HDAC2: variants seen among roughly 807,000 people sequenced by gnomAD.
HDAC2 encodes the protein histone deacetylase 2.
HDAC2 carries 5 observed loss-of-function variants against 68.5 expected under a neutral mutation model. The ratio of observed to expected loss-of-function variants is 0.07; its 90% CI spans 0.04 to 0.15. HDAC2 has a LOEUF of 0.15. HDAC2 is among the 10% of genes least tolerant of loss of function. The probability of loss-of-function intolerance (pLI) is 1.00; values close to 1 mark genes in which losing one functional copy is unlikely to be tolerated. For synonymous variants in HDAC2, 182 were observed against 191.3 expected (o/e 0.95, Z 0.40); for missense variants, 291 against 600.8 (o/e 0.48, Z 5.39).
intron 5 of HDAC2, among the ~76,000 whole-genome samples, chr6:113,955,202 T>C (rs2114606949): frequency 6.6e-6 from 1 of 152,258 alleles, no homozygotes; most frequent in East Asian, 1.9e-4. Flanking sequence ...TTTTGACATT[T>C]ATATACACTT....
intron 9 of HDAC2, 57 bp from the exon 10 acceptor site, chr6:113,945,527 C>T: frequency 1.2e-6 from 1 of 849,316 alleles, no homozygotes; most frequent in Non-Finnish European, 2.0e-6. Flanking sequence ...CACAAAAAAC[C>T]ATGCACAGAA....
chr6:113,967,830 T>C (rs1407578531), intron 1 of HDAC2, among the ~76,000 whole-genome samples: 1 of 152,222 alleles, frequency 6.6e-6, no homozygotes, highest in African/African-American at 2.4e-5. Context: ...AGATTCTTGA[T>C]GATCTTCTAG....
In HDAC2 at chr6:113,962,434, T is replaced by A. The variant is rs1352044967; in HGVS notation, c.53-2416A>T. 7.0e-6 allele frequency: 4 copies of A among 572,700 alleles called. No individual in the cohort carries two copies. The African/African-American group carries it at 8.1e-5, about 12-fold the overall frequency. 35.5% of individuals were successfully genotyped at this position (572,700 alleles called of 1,614,324 possible). A position where few individuals can be genotyped will look rare whatever the true frequency, so the allele number is the denominator to read the frequency against. On this transcript the variant is annotated intron_variant, in intron 1 of 13. Coordinates refer to ENST00000519065, the MANE Select transcript of HDAC2 (RefSeq NM_001527.4). ...TAATATGAAATATAAATATTTTAAA[T>A]AAAGGCTTAGGGTCTTGGTTAATTT...
At chr6:113,953,938 C>A (rs534889696) in intron 5 of HDAC2, among the ~76,000 whole-genome samples, 1 of 152,184 alleles carries the variant, frequency 6.6e-6, no homozygotes, top group East Asian at 1.9e-4. Context: ...ATTTCAGTGT[C>A]CATAAAAAAA....
intron 1 of HDAC2, among the ~76,000 whole-genome samples, chr6:113,963,324 T>G (rs1776735025): frequency 6.6e-6 from 1 of 152,116 alleles, no homozygotes; most frequent in Non-Finnish European, 1.5e-5. Flanking sequence ...CCTCAGATGA[T>G]CTGCCCGCCT....
chr6:113,958,052 T>C (rs1161377930), intron 3 of HDAC2, among the ~76,000 whole-genome samples: 1 of 152,196 alleles, frequency 6.6e-6, no homozygotes, highest in Non-Finnish European at 1.5e-5. Context: ...AGTCAGTCAA[T>C]ACAAACACTA....
Position 113,945,499 on chromosome 6 carries a change from TATTACA to T in HDAC2, c.983-35_983-30del, listed in dbSNP as rs567548181. ...ATGAAAACAATAAAATAAAGTTACA[TATTACA>T]AGCTCAGTTTTCACAAAAAACCATG... On this transcript the variant is annotated intron_variant, in intron 9 of 13. Transcript: ENST00000519065. 164 of 1,029,332 alleles carry T rather than the reference TATTACA, an allele frequency of 1.6e-4. No individual in the cohort carries two copies. The African/African-American group carries it at 2.4e-3, about 15-fold the overall frequency. The allele number at this position is 1,029,332 out of a possible 1,614,324, so 63.8% of individuals were successfully genotyped here.
Position 113,953,326 on chromosome 6 carries a change from A to G in HDAC2, c.590T>C (p.Val197Ala). The G allele has an allele frequency of 1.2e-6, 2 of 1,605,504 alleles. No homozygotes were observed. Among genetic ancestry groups the G allele is most frequent in the South Asian group, 1.1e-5 (1 of 90,862 alleles). Residue 197 changes from valine (V) to alanine (A), a missense_variant, in exon 6 of 14, where the codon GTA becomes GCA. Physicochemically the swap from Val to Ala is moderately conservative, Grantham distance 64. Transcript: ENST00000519065. The stretch of plus-strand genomic sequence containing the variant: ...GTATTCCCCATATTTATGGAATGAT[A>G]CCGTCATTACACGATCTGTTGTATA... The part of the protein sequence containing the change: ...AFYTTDRVMT[V>A]SFHKYGEYFP...
At chr6:113,947,558 CA>C (rs1776292344) in intron 8 of HDAC2, 1 of 151,994 alleles carries the variant, frequency 6.6e-6, no homozygotes, top group Non-Finnish European at 1.5e-5. Flanking sequence ...ATATTAAGTA[CA>C]AAAACATTAA....
rs1771224793 is a variant in HDAC2 at position 113,971,016 on chromosome 6, G to A, written c.-108C>T. 2.5e-6 allele frequency: 4 copies of A among 1,577,088 alleles called. No individual in the cohort carries two copies. Among genetic ancestry groups the A allele is most frequent in the Middle Eastern group, 3.3e-4 (2 of 6,002 alleles). ...AGAAAAGGGCTGAGGGAAACGTGGG[G>A]GCGATAGTCCCGCGGGGAAGGGCAG... On this transcript the variant is annotated 5_prime_UTR_variant, in exon 1 of 14. Transcript: ENST00000519065.
chr6:113,958,870 A>C, intron 2 of HDAC2, 104 bp from the exon 3 acceptor site: 3 of 744,726 alleles, frequency 4.0e-6, no homozygotes, highest in Non-Finnish European at 7.0e-6. Flanking sequence ...AAAAGAACCA[A>C]GTCTACCAGA....
In HDAC2 at chr6:113,944,430, T is replaced by C; in HGVS notation, c.1092-20A>G. On this transcript the variant is annotated intron_variant, in intron 10 of 13. Transcript: ENST00000519065. ...CGCTGTCTAAATTACACATGCAAAG[T>C]TTATTAGACAAAATTAAATTTCTTT... 1 of 1,598,830 alleles carries C rather than the reference T, an allele frequency of 6.3e-7. No individual in the cohort carries two copies. The highest frequency in any genetic ancestry group is 8.5e-7 in the Non-Finnish European group (1 of 1,172,230).
chr6:113,950,382 GTTTT>G (rs376800535), intron 6 of HDAC2, among the ~76,000 whole-genome samples: 117 of 149,546 alleles, frequency 7.8e-4, no homozygotes, highest in African/African-American at 2.5e-3. Flanking sequence ...CCTCTTTGTT[GTTTT>G]TTTTTGTTTT....
In HDAC2 at chr6:113,946,166, G is replaced by A. The variant is rs781729545; in HGVS notation, c.842-18C>T. ...AGCATGACCTAAGACAAGAAGATTT[G>A]GGTAACAACAAAATCTGCATACTGC... On this transcript the variant is annotated intron_variant, in intron 8 of 13. Coordinates refer to ENST00000519065, the MANE Select transcript of HDAC2 (RefSeq NM_001527.4). 43 of 1,596,972 alleles carry A rather than the reference G, an allele frequency of 2.7e-5. 1 individual carries two copies. In the South Asian group the frequency reaches 4.7e-4, roughly 18 times the overall value.
Position 113,934,248 on chromosome 6 carries a change from GA to G in HDAC2, c.*6809del, listed in dbSNP as rs1775950020. On this transcript the variant is annotated 3_prime_UTR_variant, in exon 14 of 14. Transcript: ENST00000519065. ...ATCTGGGTTAATGACTATCTGGGTT[GA>G]TACGCATCTCAAGGCCAGAAAGGAA... 1.3e-5 allele frequency: 2 copies of G among 152,186 alleles called. No homozygotes were observed. The highest frequency in any genetic ancestry group is 1.3e-4 in the Admixed American group (2 of 15,280). The allele number at this position is 152,186 out of a possible 1,614,324, so 9.4% of individuals were successfully genotyped here.
intron 8 of HDAC2, chr6:113,948,553 CTA>C (rs891510804): frequency 6.4e-6 from 1 of 156,622 alleles, no homozygotes; most frequent in Non-Finnish European, 1.4e-5. Context: ...GCCGTAAACA[CTA>C]AGTATCACAA....
chr6:113,954,879 T>C (rs906494601), intron 5 of HDAC2, among the ~76,000 whole-genome samples: 1 of 152,210 alleles, frequency 6.6e-6, no homozygotes, highest in Non-Finnish European at 1.5e-5. Flanking sequence ...TCCAAATTCC[T>C]AAGTACCTCT....
intron 1 of HDAC2, among the ~76,000 whole-genome samples, chr6:113,969,114 G>A (rs1776909480): frequency 2.0e-5 from 3 of 152,120 alleles, no homozygotes; most frequent in Admixed American, 2.0e-4. Flanking sequence ...AGGGAATGCA[G>A]GGCAAGAATA....
intron 6 of HDAC2, among the ~76,000 whole-genome samples, chr6:113,950,394 T>G (rs993339170): frequency 6.6e-6 from 1 of 151,692 alleles, no homozygotes; most frequent in Non-Finnish European, 1.5e-5. Context: ...TTTTTTTTGT[T>G]TTTTGAGATC....
Sources: gnomAD v4.1 joint callset for allele counts (sites outside exome capture counted in the v4.1 genomes callset) on GRCh38, gnomAD v4.1.1 for gene constraint, MANE v1.5 for transcripts, NCBI Gene and HGNC (gene_info 2026-07-23, HGNC 2026-07-21) for gene names.